The following DLGAP2 variants were observed in gnomAD, a reference collection of about 807,000 sequenced individuals.
DLGAP2 encodes the protein disks large-associated protein 2.
A neutral mutation model predicts 100.3 loss-of-function variants in DLGAP2; 26 were observed. The observed-to-expected ratio is 0.26, with a 90% CI of 0.19 to 0.36. The LOEUF is 0.36. DLGAP2 is among the 10% of genes least tolerant of loss of function. The probability of loss-of-function intolerance (pLI) is 1.00; values close to 1 mark genes in which losing one functional copy is unlikely to be tolerated. For missense variants in DLGAP2, 1,858 were observed against 1,453.2 expected (o/e 1.28, Z -4.53); for synonymous variants, 886 against 630.1 (o/e 1.41, Z -6.08).
intron 2 of DLGAP2, among the ~76,000 whole-genome samples, chr8:1,083,524 A>C (rs1803877249): frequency 6.6e-6 from 1 of 152,206 alleles, no homozygotes; most frequent in South Asian, 2.1e-4. Context: ...AGCTGAGCTT[A>C]TTCATTCCAC....
intron 3 of DLGAP2, among the ~76,000 whole-genome samples, chr8:1,376,434 C>G (rs1268603759): frequency 6.6e-6 from 1 of 152,262 alleles, no homozygotes; most frequent in African/African-American, 2.4e-5. Flanking sequence ...TGCCCACCTG[C>G]TGGTGGCAGT....
intron 14 of DLGAP2, 35 bp from the exon 15 acceptor site, chr8:1,701,153 A>C: frequency 6.5e-7 from 1 of 1,542,486 alleles, no homozygotes; most frequent in Non-Finnish European, 8.7e-7. Flanking sequence ...CCCTCCTCCG[A>C]GCACCTGCCA....
chr8:1,262,210 T>G (rs567161979), intron 3 of DLGAP2, among the ~76,000 whole-genome samples: 2 of 152,278 alleles, frequency 1.3e-5, no homozygotes, highest in South Asian at 2.1e-4. Flanking sequence ...AATTCTACAG[T>G]TGGGGAATCT....
intron 1 of DLGAP2, among the ~76,000 whole-genome samples, chr8:799,449 G>A (rs1344139696): frequency 6.6e-6 from 1 of 152,144 alleles, no homozygotes. Context: ...GCTCTGCTGG[G>A]AGTTGGAAAA....
intron 4 of DLGAP2, among the ~76,000 whole-genome samples, chr8:1,543,444 C>T (rs1031982216): frequency 6.6e-6 from 1 of 152,158 alleles, no homozygotes; most frequent in Non-Finnish European, 1.5e-5. Flanking sequence ...GTAGGAGAGA[C>T]TATTCTTTCC....
intron 2 of DLGAP2, among the ~76,000 whole-genome samples, chr8:1,234,401 C>T (rs73529839): frequency 0.012 from 1,757 of 152,242 alleles, 37 homozygotes; most frequent in African/African-American, 0.04. Context: ...GGCATCACCC[C>T]GATCCTCACA....
intron 1 of DLGAP2, among the ~76,000 whole-genome samples, chr8:867,341 A>G (rs565682922): frequency 2.6e-5 from 4 of 152,204 alleles, no homozygotes; most frequent in African/African-American, 2.4e-5. Context: ...TGTTTTAATT[A>G]GCAAAAATAA....
At chr8:1,022,079 G>A (rs559042874) in intron 2 of DLGAP2, among the ~76,000 whole-genome samples, 2 of 152,280 alleles carry the variant, frequency 1.3e-5, no homozygotes, top group South Asian at 2.1e-4. Context: ...TGTCACCAGC[G>A]AACAGGTGCA....
chr8:1,448,585 T>C (rs1798048764), intron 3 of DLGAP2, among the ~76,000 whole-genome samples: 1 of 152,236 alleles, frequency 6.6e-6, no homozygotes. Context: ...TGGAGAGTTC[T>C]GTAGATGTCT....
At chr8:1,326,936 C>T (rs1801036119) in intron 3 of DLGAP2, among the ~76,000 whole-genome samples, 1 of 152,222 alleles carries the variant, frequency 6.6e-6, no homozygotes, top group African/African-American at 2.4e-5. Context: ...TACATAAGAT[C>T]AGCCGTGCTC....
intron 4 of DLGAP2, among the ~76,000 whole-genome samples, chr8:1,503,086 C>T (rs531252779): frequency 3.4e-4 from 52 of 152,186 alleles, no homozygotes; most frequent in African/African-American, 1.1e-3. Flanking sequence ...GGCTGGGGGG[C>T]GAAGGAGGCA....
At chr8:1,499,984 G>A (rs368393889) in intron 3 of DLGAP2, among the ~76,000 whole-genome samples, 5 of 148,802 alleles carry the variant, frequency 3.4e-5, no homozygotes, top group African/African-American at 4.9e-5. Flanking sequence ...ACACTTGGGT[G>A]GGGGGGGTGG....
At chr8:1,606,545 G>C (rs1796806420) in intron 6 of DLGAP2, among the ~76,000 whole-genome samples, 1 of 152,136 alleles carries the variant, frequency 6.6e-6, no homozygotes, top group Non-Finnish European at 1.5e-5. Flanking sequence ...TGCAGCATGT[G>C]TCAGAACTGC....
rs896221868 is a variant in DLGAP2 at position 1,215,874 on chromosome 8, C to T, written c.74-42977C>T. On this transcript the variant is annotated intron_variant, in intron 2 of 14. Transcript: ENST00000637795. ...TTCATTTGGGTGCATCACCTGGAGA[C>T]GTCCAGGTACCTCCATGGGTTCATT... 6.3e-5 allele frequency among the ~76,000 whole-genome samples: 9 copies of T among 143,858 alleles called. 2 individuals carry two copies. The highest frequency in any genetic ancestry group is 4.1e-4 in the East Asian group (2 of 4,842). The allele number at this position is 143,858 out of a possible 152,430, so 94.4% of individuals were successfully genotyped here.
chr8:864,593 C>T (rs912346610), intron 1 of DLGAP2, among the ~76,000 whole-genome samples: 8 of 152,108 alleles, frequency 5.3e-5, no homozygotes, highest in African/African-American at 1.7e-4. Flanking sequence ...CCACATGATA[C>T]GATATTTTAA....
At chr8:1,682,750 AG>A (rs1395950934) in intron 12 of DLGAP2, among the ~76,000 whole-genome samples, 1 of 151,614 alleles carries the variant, frequency 6.6e-6, no homozygotes, top group Non-Finnish European at 1.5e-5. Context: ...CTAGGATTAC[AG>A]GTATGAACCA....
At chr8:1,454,814 C>T (rs7002600) in intron 3 of DLGAP2, among the ~76,000 whole-genome samples, 2,489 of 152,276 alleles carry the variant, frequency 0.016, 70 homozygotes, top group African/African-American at 0.057. Context: ...CCACTGAGCA[C>T]TCAGACCTTC....
At chr8:1,292,378 C>T (rs1011193298) in intron 3 of DLGAP2, among the ~76,000 whole-genome samples, 1 of 152,184 alleles carries the variant, frequency 6.6e-6, no homozygotes, top group Non-Finnish European at 1.5e-5. Context: ...GGAAACAGCT[C>T]ATCCTGCCAG....
chr8:1,027,156 A>G (rs1801823715), intron 2 of DLGAP2, among the ~76,000 whole-genome samples: 1 of 152,232 alleles, frequency 6.6e-6, no homozygotes, highest in South Asian at 2.1e-4. Flanking sequence ...AAGATGGGAA[A>G]TGGAAGAAGT....
Sources: gnomAD v4.1 joint callset for allele counts (sites outside exome capture counted in the v4.1 genomes callset) on GRCh38, gnomAD v4.1.1 for gene constraint, MANE v1.5 for transcripts, NCBI Gene and HGNC (gene_info 2026-07-23, HGNC 2026-07-21) for gene names.